The following GARIN2 variants were observed in gnomAD, a reference collection of about 807,000 sequenced individuals.
GARIN2 encodes Golgi-associated RAB2 interactor protein 2.
At chr14:67,222,282 TTTTG>T in the GARIN2 span, among the ~76,000 whole-genome samples, 2 of 152,114 alleles carry the variant, frequency 1.3e-5, no homozygotes, top group East Asian at 1.9e-4. Flanking sequence ...TATTTAATGT[TTTTG>T]TTTGTTTGTT....
At chr14:67,206,725 TTTA>T in the GARIN2 span, among the ~76,000 whole-genome samples, 6 of 151,272 alleles carry the variant, frequency 4.0e-5, no homozygotes, top group African/African-American at 4.8e-5. Context: ...CAAGCAATAA[TTTA>T]TTATTATTAT....
At chr14:67,204,935 A>C in the GARIN2 span, 1 of 1,612,282 alleles carries the variant, frequency 6.2e-7, no homozygotes, top group Admixed American at 1.7e-5. Context: ...CCAGAAAATG[A>C]GGTCCCAGAG....
chr14:67,226,248 G>T, the GARIN2 span, among the ~76,000 whole-genome samples: 4 of 152,116 alleles, frequency 2.6e-5, no homozygotes, highest in African/African-American at 9.7e-5. Flanking sequence ...CTGGAGTGCA[G>T]TGGCGCAATC....
chr14:67,228,169 C>CAAAA, the GARIN2 span, among the ~76,000 whole-genome samples: 1 of 64,146 alleles, frequency 1.6e-5, no homozygotes, highest in African/African-American at 6.4e-5. Context: ...GACTTTGTCT[C>CAAAA]AAAAAAAAAA....
At chr14:67,189,837 A>ATTTTTTTTTT in the GARIN2 span, 3 of 108,086 alleles carry the variant, frequency 2.8e-5, no homozygotes, top group Non-Finnish European at 5.4e-5. Context: ...ATTTTTTTTA[A>ATTTTTTTTTT]TTTTTTTTTT....
the GARIN2 span, chr14:67,205,002 C>A: frequency 1.3e-6 from 2 of 1,560,704 alleles, no homozygotes; most frequent in South Asian, 1.2e-5. Context: ...CCACGGAAGT[C>A]ACAGACAGCT....
the GARIN2 span, among the ~76,000 whole-genome samples, chr14:67,208,905 AAAAAG>A: frequency 6.6e-5 from 10 of 152,058 alleles, no homozygotes; most frequent in East Asian, 1.2e-3. Flanking sequence ...TCAAAAAAAA[AAAAAG>A]AAAAGAAAAA....
At chr14:67,213,419 G>T in the GARIN2 span, among the ~76,000 whole-genome samples, 5 of 142,582 alleles carry the variant, frequency 3.5e-5, no homozygotes, top group Non-Finnish European at 7.6e-5. Flanking sequence ...GCGGTGTTTG[G>T]TTTTTTGTTC....
chr14:67,224,415 T>C, the GARIN2 span, among the ~76,000 whole-genome samples: 1 of 151,950 alleles, frequency 6.6e-6, no homozygotes, highest in Non-Finnish European at 1.5e-5. Context: ...CGTGCCACTA[T>C]GCCTAGCTAA....
At chr14:67,212,607 A>G in the GARIN2 span, among the ~76,000 whole-genome samples, 1 of 144,426 alleles carries the variant, frequency 6.9e-6, no homozygotes, top group East Asian at 2.0e-4. Context: ...AAATATATAT[A>G]TATATATGTA....
the GARIN2 span, chr14:67,204,704 A>G: frequency 1.1e-5 from 18 of 1,613,890 alleles, no homozygotes; most frequent in South Asian, 1.9e-4. Context: ...CTCTTGAATC[A>G]GGAGAAAGCC....
At chr14:67,213,490 G>A in the GARIN2 span, among the ~76,000 whole-genome samples, 11 of 151,028 alleles carry the variant, frequency 7.3e-5, no homozygotes, top group Non-Finnish European at 1.6e-4. Context: ...CAAAGGACAT[G>A]AACTCATCAT....
At chr14:67,199,520 G>A in the GARIN2 span, 1 of 1,612,360 alleles carries the variant, frequency 6.2e-7, no homozygotes, top group Non-Finnish European at 8.5e-7. Flanking sequence ...TTCATTTGAT[G>A]CTTCAGTTGC....
chr14:67,191,526 T>C, the GARIN2 span, among the ~76,000 whole-genome samples: 1 of 152,270 alleles, frequency 6.6e-6, no homozygotes, highest in African/African-American at 2.4e-5. Context: ...CCAATGGCCA[T>C]GAACACTCAA....
At chr14:67,198,096 A>C in the GARIN2 span, 4 of 1,545,440 alleles carry the variant, frequency 2.6e-6, no homozygotes, top group Non-Finnish European at 2.6e-6. Context: ...ATGATATTAA[A>C]TTCTCTCTGT....
the GARIN2 span, among the ~76,000 whole-genome samples, chr14:67,194,278 C>T: frequency 6.6e-6 from 1 of 150,966 alleles, no homozygotes; most frequent in Non-Finnish European, 1.5e-5. Flanking sequence ...GTGGGAGGAT[C>T]ACTTGAGCCC....
the GARIN2 span, among the ~76,000 whole-genome samples, chr14:67,219,673 G>A: frequency 0.018 from 2,752 of 152,230 alleles, 35 homozygotes; most frequent in Non-Finnish European, 0.028. Flanking sequence ...GATAAAAAAT[G>A]AATCCCTAAA....
At chr14:67,218,960 T>C in the GARIN2 span, among the ~76,000 whole-genome samples, 1 of 151,978 alleles carries the variant, frequency 6.6e-6, no homozygotes, top group East Asian at 1.9e-4. Flanking sequence ...GGTGTTGTCG[T>C]GTTCAGCCAC....
the GARIN2 span, among the ~76,000 whole-genome samples, chr14:67,193,591 A>T: frequency 6.9e-6 from 1 of 145,312 alleles, no homozygotes; most frequent in Non-Finnish European, 1.5e-5. Flanking sequence ...ATAGATATAG[A>T]TATATATCTA....
Sources: allele counts gnomAD v4.1 joint callset (sites outside exome capture counted in the v4.1 genomes callset), GRCh38; gene constraint gnomAD v4.1.1; transcripts MANE v1.5; gene names NCBI Gene and HGNC (gene_info 2026-07-23, HGNC 2026-07-21).